Variants in C8orf89 observed in about 807,000 individuals in gnomAD.
C8orf89 encodes putative uncharacterized protein C8orf89.
C8orf89 carries 14 observed loss-of-function variants against 15.8 expected under a neutral mutation model. The ratio of observed to expected loss-of-function variants is 0.89; its 90% CI spans 0.59 to 1.39. The LOEUF (loss-of-function observed/expected upper bound fraction) is 1.39. C8orf89 is among the 40% of genes most tolerant of loss of function. C8orf89 has a pLI of 0.00. For synonymous variants in C8orf89, 55 were observed against 62.2 expected (o/e 0.88, Z 0.54); for missense variants, 181 against 184.5 (o/e 0.98, Z 0.11).
the C8orf89 span, among the ~76,000 whole-genome samples, chr8:73,284,939 C>CA: frequency 6.6e-6 from 1 of 152,038 alleles, no homozygotes; most frequent in South Asian, 2.1e-4. Context: ...TCTATGAACC[C>CA]AAAAAGGTTG....
intron 3 of C8orf89, among the ~76,000 whole-genome samples, chr8:73,242,809 T>C (rs1813034241): frequency 6.6e-6 from 1 of 152,174 alleles, no homozygotes; most frequent in Non-Finnish European, 1.5e-5. Flanking sequence ...GCTAGACATA[T>C]ACCCAAAAGA....
At chr8:73,275,802 AGTTT>A in the C8orf89 span, among the ~76,000 whole-genome samples, 1 of 151,988 alleles carries the variant, frequency 6.6e-6, no homozygotes, top group Admixed American at 6.6e-5. Flanking sequence ...TATGTCTTTT[AGTTT>A]ATCAGAAACT....
At chr8:73,269,176 AG>A in the C8orf89 span, among the ~76,000 whole-genome samples, 1 of 152,232 alleles carries the variant, frequency 6.6e-6, no homozygotes, top group Non-Finnish European at 1.5e-5. Context: ...TACACTGGCT[AG>A]GGCAAAATCT....
At chr8:73,248,348 T>C (rs1813171416) in intron 3 of C8orf89, among the ~76,000 whole-genome samples, 1 of 152,140 alleles carries the variant, frequency 6.6e-6, no homozygotes, top group Admixed American at 6.5e-5. Flanking sequence ...CATAGCCCTG[T>C]ACCACGGTTT....
the C8orf89 span, chr8:73,277,986 C>A: frequency 1.6e-6 from 1 of 621,108 alleles, no homozygotes; most frequent in Non-Finnish European, 3.1e-6. Flanking sequence ...GCCCCCAGGG[C>A]TCTTGCACCG....
the C8orf89 span, among the ~76,000 whole-genome samples, chr8:73,284,945 G>T: frequency 6.6e-6 from 1 of 152,154 alleles, no homozygotes; most frequent in South Asian, 2.1e-4. Context: ...AACCCAAAAA[G>T]GTTGTATGGG....
the C8orf89 span, among the ~76,000 whole-genome samples, chr8:73,266,332 A>G: frequency 3.3e-5 from 5 of 152,344 alleles, no homozygotes; most frequent in East Asian, 9.6e-4. Flanking sequence ...CAATCTATGA[A>G]GCCCTTCTAT....
At chr8:73,279,037 C>T in the C8orf89 span, among the ~76,000 whole-genome samples, 1 of 152,102 alleles carries the variant, frequency 6.6e-6, no homozygotes, top group Non-Finnish European at 1.5e-5. Context: ...TTTCCCAGTC[C>T]TTCTGCTCTT....
At chr8:73,277,679 C>T in the C8orf89 span, 36 of 754,380 alleles carry the variant, frequency 4.8e-5, no homozygotes, top group Non-Finnish European at 6.7e-5. Context: ...GGCTGGAAAT[C>T]CTTCACTTCA....
At chr8:73,278,149 T>A in the C8orf89 span, 1 of 255,714 alleles carries the variant, frequency 3.9e-6, no homozygotes, top group African/African-American at 2.2e-5. Context: ...AACCTCTGAA[T>A]AGATGCTTAC....
chr8:73,274,258 CT>C, the C8orf89 span, among the ~76,000 whole-genome samples: 5 of 152,016 alleles, frequency 3.3e-5, no homozygotes, highest in Non-Finnish European at 7.4e-5. Context: ...GGTTCACGCC[CT>C]TCTCCTGACA....
At chr8:73,259,781 T>C (rs1200623902), upstream of C8orf89, among the ~76,000 whole-genome samples, 3 of 151,998 alleles carry the variant, frequency 2.0e-5, no homozygotes, top group Non-Finnish European at 4.4e-5. Flanking sequence ...AAAATAAACA[T>C]GTTTTCTAGA....
chr8:73,252,004 T>G (rs2130265689), intron 2 of C8orf89, among the ~76,000 whole-genome samples: 1 of 152,338 alleles, frequency 6.6e-6, no homozygotes, highest in East Asian at 1.9e-4. Context: ...AAACGGTCCC[T>G]CTTTTTTCTG....
chr8:73,252,932 A>G (rs113866634), intron 2 of C8orf89, among the ~76,000 whole-genome samples: 11,109 of 152,000 alleles, frequency 0.073, 718 homozygotes, highest in African/African-American at 0.17. Flanking sequence ...ACGAGGTCAG[A>G]AGATCGACAC....
upstream of C8orf89, among the ~76,000 whole-genome samples, chr8:73,263,429 G>A (rs529167289): frequency 6.6e-6 from 1 of 152,198 alleles, no homozygotes; most frequent in East Asian, 1.9e-4. Context: ...CATGAGAACT[G>A]CTTGAACCTG....
At chr8:73,270,566 A>G in the C8orf89 span, among the ~76,000 whole-genome samples, 2 of 152,328 alleles carry the variant, frequency 1.3e-5, no homozygotes, top group South Asian at 4.1e-4. Context: ...GAGATGGCCG[A>G]AGGAACACAA....
intron 2 of C8orf89, among the ~76,000 whole-genome samples, chr8:73,251,326 T>G (rs1224107911): frequency 6.6e-6 from 1 of 152,196 alleles, no homozygotes; most frequent in Non-Finnish European, 1.5e-5. Flanking sequence ...AATGAGTACT[T>G]CTCTGCTTTG....
chr8:73,267,810 A>C, the C8orf89 span, among the ~76,000 whole-genome samples: 1 of 152,178 alleles, frequency 6.6e-6, no homozygotes, highest in Non-Finnish European at 1.5e-5. Context: ...CAATAATCTG[A>C]GTGGGCTTTA....
intron 2 of C8orf89, among the ~76,000 whole-genome samples, chr8:73,255,542 T>A (rs896531289): frequency 6.6e-5 from 10 of 151,998 alleles, no homozygotes; most frequent in Non-Finnish European, 1.3e-4. Context: ...CTTGTGGAAG[T>A]CAGTGTGGCG....
Sources: allele counts gnomAD v4.1 joint callset (sites outside exome capture counted in the v4.1 genomes callset), GRCh38; gene constraint gnomAD v4.1.1; transcripts MANE v1.5; gene names NCBI Gene and HGNC (gene_info 2026-07-23, HGNC 2026-07-21).